DLGAP2: variants seen among roughly 807,000 people sequenced by gnomAD.
DLGAP2 encodes the protein DLG associated protein 2.
Under a neutral mutation model 100.3 loss-of-function variants are expected in DLGAP2, and 26 were observed. The observed-to-expected ratio is 0.26, with a 90% CI of 0.19 to 0.36. DLGAP2 has a LOEUF of 0.36. DLGAP2 is among the 10% of genes least tolerant of loss of function. The pLI, the probability that DLGAP2 is intolerant of heterozygous loss-of-function variation, is 1.00. For missense variants in DLGAP2, 1,858 were observed against 1,453.2 expected, an observed-to-expected ratio of 1.28 and a Z score of -4.53; for synonymous variants, 886 against 630.1, an observed-to-expected ratio of 1.41 and a Z score of -6.08.
At chr8:926,910 C>A in intron 2 of DLGAP2, 2 of 573,994 alleles carry the variant, frequency 3.5e-6, no homozygotes, top group Non-Finnish European at 4.4e-6. Context: ...CGTAGGCGTT[C>A]CAGGTGTTCC....
intron 2 of DLGAP2, among the ~76,000 whole-genome samples, chr8:1,146,080 C>G (rs1335132023): frequency 2.0e-5 from 3 of 152,134 alleles, no homozygotes; most frequent in Admixed American, 2.0e-4. Context: ...CCAGCAGACA[C>G]TTCACTCCAC....
chr8:1,172,859 C>G (rs1270730697), intron 2 of DLGAP2, among the ~76,000 whole-genome samples: 1 of 152,224 alleles, frequency 6.6e-6, no homozygotes, highest in Non-Finnish European at 1.5e-5. Flanking sequence ...GTTTGATCGT[C>G]TGAACCCTTC....
At chr8:851,505 A>T (rs531014113) in intron 1 of DLGAP2, among the ~76,000 whole-genome samples, 2 of 152,348 alleles carry the variant, frequency 1.3e-5, no homozygotes, top group Admixed American at 1.3e-4. Flanking sequence ...TTAGTATATT[A>T]TGATGAAGAC....
intron 1 of DLGAP2, among the ~76,000 whole-genome samples, chr8:764,760 G>A (rs572373254): frequency 1.3e-5 from 2 of 152,144 alleles, no homozygotes; most frequent in East Asian, 1.9e-4. Context: ...TTGTGTAAGG[G>A]GCTCATAACT....
At chr8:1,367,580 C>T (rs1489740897) in intron 3 of DLGAP2, among the ~76,000 whole-genome samples, 3 of 152,222 alleles carry the variant, frequency 2.0e-5, no homozygotes, top group African/African-American at 7.2e-5. Context: ...GAGCTGCTTT[C>T]ACCATTCTAA....
chr8:1,465,045 G>T (rs1387254605), intron 3 of DLGAP2, among the ~76,000 whole-genome samples: 5 of 152,234 alleles, frequency 3.3e-5, no homozygotes, highest in Admixed American at 6.5e-5. Flanking sequence ...CCCAGCAGGT[G>T]ACCAGCTCTG....
At chr8:1,190,370 T>C (rs78530194) in intron 2 of DLGAP2, among the ~76,000 whole-genome samples, 4,910 of 152,202 alleles carry the variant, frequency 0.032, 286 homozygotes, top group African/African-American at 0.1. Context: ...TTGGCAGTTA[T>C]GTGCTTGGAG....
chr8:797,082 A>C (rs1796050875), intron 1 of DLGAP2, among the ~76,000 whole-genome samples: 1 of 152,228 alleles, frequency 6.6e-6, no homozygotes, highest in African/African-American at 2.4e-5. Flanking sequence ...TTAAGGAGTA[A>C]CTTTTATGCA....
At chr8:1,347,715 C>G (rs557805904) in intron 3 of DLGAP2, among the ~76,000 whole-genome samples, 1 of 151,288 alleles carries the variant, frequency 6.6e-6, no homozygotes, top group South Asian at 2.1e-4. Context: ...TACAGAGCTG[C>G]GTTGCACTCA....
intron 10 of DLGAP2, among the ~76,000 whole-genome samples, chr8:1,675,022 G>A (rs1306249442): frequency 6.6e-6 from 1 of 152,188 alleles, no homozygotes; most frequent in East Asian, 1.9e-4. Flanking sequence ...TGACAGGAAG[G>A]CCAGGATCTT....
intron 10 of DLGAP2, among the ~76,000 whole-genome samples, chr8:1,672,468 T>C (rs1798715448): frequency 6.6e-6 from 1 of 152,232 alleles, no homozygotes; most frequent in South Asian, 2.1e-4. Context: ...CCTCAGGTGA[T>C]CCACCTGTCT....
At chr8:1,548,276 A>G (rs1018338643) in intron 4 of DLGAP2, among the ~76,000 whole-genome samples, 7 of 151,818 alleles carry the variant, frequency 4.6e-5, no homozygotes, top group Non-Finnish European at 1.0e-4. Flanking sequence ...CCTGACCAAC[A>G]TGGCGAAACC....
rs1281310405 is a variant in DLGAP2, at chr8:1,302,385, C to G, written c.106+43502C>G. ...TGAGTTCCCGAGCTCTGCTCCATAC[C>G]TGGGACCGGACTCAGCATTTTCTGT... On this transcript the variant is annotated intron_variant, in intron 3 of 14. Transcript: ENST00000637795. 8.0e-5 allele frequency: 8 copies of G among 99,534 alleles called. No homozygotes were observed. The East Asian group carries it at 2.6e-3, about 33-fold the overall frequency. The allele number at this position is 99,534 out of a possible 1,614,324, so 6.2% of individuals were successfully genotyped here.
chr8:753,883 GGCGGCGCGGTGCGGCGTGTGATTGCC>G (rs1820854075), intron 1 of DLGAP2: 1 of 152,240 alleles, frequency 6.6e-6, no homozygotes, highest in Non-Finnish European at 1.5e-5. Context: ...TTCCTGTCCG[GGCGGCGCGGTGCGGCGTGTGATTGCC>G]GCAGGAAGGG....
At chr8:1,369,965 C>T (rs181872678) in intron 3 of DLGAP2, 12 of 152,356 alleles carry the variant, frequency 7.9e-5, no homozygotes, top group African/African-American at 2.9e-4. Context: ...CCTGAAATCT[C>T]AGAGTGATGG....
At chr8:1,456,074 G>A (rs1798302544) in intron 3 of DLGAP2, among the ~76,000 whole-genome samples, 1 of 152,196 alleles carries the variant, frequency 6.6e-6, no homozygotes, top group Non-Finnish European at 1.5e-5. Context: ...CAACTCCTGG[G>A]TCCCTCCCAG....
intron 2 of DLGAP2, among the ~76,000 whole-genome samples, chr8:1,054,339 C>T (rs945788271): frequency 6.6e-6 from 1 of 152,148 alleles, no homozygotes; most frequent in Non-Finnish European, 1.5e-5. Context: ...TGCTCAAACC[C>T]ATTAAAACAT....
intron 8 of DLGAP2, among the ~76,000 whole-genome samples, chr8:1,667,994 T>A (rs1227969395): frequency 6.6e-6 from 1 of 152,162 alleles, no homozygotes; most frequent in African/African-American, 2.4e-5. Flanking sequence ...CTGCGCACTG[T>A]CCTGAGGGGA....
chr8:1,407,573 G>A (rs1420019267), intron 3 of DLGAP2, among the ~76,000 whole-genome samples: 462 of 87,032 alleles, frequency 5.3e-3, no homozygotes, highest in African/African-American at 0.021. Flanking sequence ...CTCCAGAGTC[G>A]TGTATTGAGT....
Sources: gnomAD v4.1 joint callset for allele counts (sites outside exome capture counted in the v4.1 genomes callset) on GRCh38, gnomAD v4.1.1 for gene constraint, MANE v1.5 for transcripts, NCBI Gene and HGNC (gene_info 2026-07-23, HGNC 2026-07-21) for gene names.